The following PTPRG variants were observed in gnomAD, a reference collection of about 807,000 sequenced individuals.
PTPRG encodes the protein protein tyrosine phosphatase receptor type G, also known as receptor-type tyrosine-protein phosphatase gamma.
In PTPRG, 102 loss-of-function variants were observed where a neutral mutation model predicts 165.3. The observed-to-expected ratio is 0.62, with a 90% CI of 0.53 to 0.73. The LOEUF (loss-of-function observed/expected upper bound fraction) is 0.73. PTPRG is among the 30% of genes least tolerant of loss of function. The pLI is 0.00. For synonymous variants in PTPRG, 675 were observed against 669.5 expected (o/e 1.01, Z -0.13); for missense variants, 1,866 against 1,861.4 (o/e 1.00, Z -0.05).
intron 2 of PTPRG, among the ~76,000 whole-genome samples, chr3:61,822,539 G>A (rs1393787864): frequency 3.3e-5 from 5 of 152,162 alleles, no homozygotes; most frequent in Non-Finnish European, 5.9e-5. Flanking sequence ...AATGCTTTCT[G>A]TCCTCAGAGG....
At position 62,203,403 on chromosome 3, in the gene PTPRG, G is replaced by A. The variant is rs750801038; in HGVS notation, c.1608G>A (p.Thr536=). 2.6e-5 allele frequency: 42 copies of A among 1,612,880 alleles called. No homozygotes were observed. The highest frequency in any genetic ancestry group is 3.3e-5 in the South Asian group (3 of 90,960). Residue 536 remains threonine, a synonymous_variant, in exon 12 of 30, where the codon ACG becomes ACA. Transcript: ENST00000474889. The surrounding 1 kb of genome is among the most constrained non-coding windows in gnomAD (Gnocchi z 6.4). ...CTTTCCCCAGCACTGTGTGGCCCAC[G>A]CGCCTCCCGACGGCCGCCTCAGCCA... ...ISSFPSTVWP[T]RLPTAASASK...
chr3:62,205,087 T>C (rs1700196515), intron 12 of PTPRG, among the ~76,000 whole-genome samples: 1 of 152,080 alleles, frequency 6.6e-6, no homozygotes, highest in Non-Finnish European at 1.5e-5. Flanking sequence ...AGATCTCGTA[T>C]GTTAAGATAC....
intron 1 of PTPRG, among the ~76,000 whole-genome samples, chr3:61,725,932 G>T (rs1407526537): frequency 6.6e-6 from 1 of 152,050 alleles, no homozygotes; most frequent in African/African-American, 2.4e-5. Context: ...CTGATCCTTC[G>T]GTCCTATCTG....
At chr3:62,281,436 A>AACT in intron 26 of PTPRG, 127 bp from the exon 27 acceptor site, 1 of 761,006 alleles carries the variant, frequency 1.3e-6, no homozygotes, top group Non-Finnish European at 2.0e-6. Context: ...GGGAACATAT[A>AACT]ACTCTTATGA....
intron 2 of PTPRG, among the ~76,000 whole-genome samples, chr3:61,830,734 C>G (rs1211821414): frequency 6.6e-6 from 1 of 152,004 alleles, no homozygotes; most frequent in Non-Finnish European, 1.5e-5. Context: ...GCCACCACAC[C>G]TGGCTAATTT....
chr3:61,966,971 G>A (rs991554942), intron 2 of PTPRG, among the ~76,000 whole-genome samples: 7 of 152,214 alleles, frequency 4.6e-5, no homozygotes, highest in Non-Finnish European at 1.0e-4. Context: ...TGAGAAGCAG[G>A]ACTTGTCACA....
At chr3:61,926,279 G>C (rs1269634269) in intron 2 of PTPRG, among the ~76,000 whole-genome samples, 1 of 152,056 alleles carries the variant, frequency 6.6e-6, no homozygotes, top group Non-Finnish European at 1.5e-5. Context: ...AGAGGTGATT[G>C]GTTCATGGGG....
chr3:62,133,815 T>C (rs988297637), intron 6 of PTPRG, among the ~76,000 whole-genome samples: 1 of 152,038 alleles, frequency 6.6e-6, no homozygotes, highest in African/African-American at 2.4e-5. Flanking sequence ...TGAGACTCTG[T>C]CTCTACTAAA....
At chr3:61,648,701 G>C (rs910639361) in intron 1 of PTPRG, among the ~76,000 whole-genome samples, 1 of 152,232 alleles carries the variant, frequency 6.6e-6, no homozygotes, top group South Asian at 2.1e-4. Flanking sequence ...CAGAGAGAGA[G>C]GGCAGACATT....
chr3:62,112,212 C>G (rs921854321), intron 5 of PTPRG, among the ~76,000 whole-genome samples: 2 of 152,080 alleles, frequency 1.3e-5, no homozygotes, highest in African/African-American at 2.4e-5. Flanking sequence ...TCAAGTGATT[C>G]TCCTGCCTCA....
At chr3:61,931,667 G>A (rs966357439) in intron 2 of PTPRG, among the ~76,000 whole-genome samples, 5 of 152,110 alleles carry the variant, frequency 3.3e-5, no homozygotes, top group African/African-American at 9.7e-5. Context: ...ATGATCAAAC[G>A]CACAACTGAG....
At chr3:61,562,450 C>A in intron 1 of PTPRG, 78 bp downstream of exon 1, 2 of 1,409,104 alleles carry the variant, frequency 1.4e-6, no homozygotes, top group Non-Finnish European at 2.0e-6. Context: ...GGGCGCGGAG[C>A]TCCGGCGCCC....
chr3:61,585,944 A>G (rs1700424338), intron 1 of PTPRG, among the ~76,000 whole-genome samples: 1 of 152,182 alleles, frequency 6.6e-6, no homozygotes, highest in Non-Finnish European at 1.5e-5. Context: ...GCTGCTGCCT[A>G]CCTTGGGGAA....
chr3:61,800,628 C>T (rs970069434), intron 2 of PTPRG, among the ~76,000 whole-genome samples: 5 of 149,316 alleles, frequency 3.3e-5, no homozygotes, highest in Non-Finnish European at 5.9e-5. Flanking sequence ...AAGGGTGTTC[C>T]GTGGTGGGGA....
At chr3:62,030,896 G>A (rs1310584939) in intron 4 of PTPRG, among the ~76,000 whole-genome samples, 1 of 152,180 alleles carries the variant, frequency 6.6e-6, no homozygotes, top group Non-Finnish European at 1.5e-5. Context: ...TAAATCTAAA[G>A]CAGATGCTTT....
rs550911490 is a variant in PTPRG at position 61,563,221 on chromosome 3, C to T, written c.85+849C>T. Among the ~76,000 whole-genome samples, 570 of 152,196 alleles carry T rather than the reference C, an allele frequency of 3.7e-3. 1 individual carries two copies. The highest frequency in any genetic ancestry group is 5.7e-3 in the Non-Finnish European group (391 of 68,006). On this transcript the variant is annotated intron_variant, in intron 1 of 29. Coordinates refer to ENST00000474889, the MANE Select transcript of PTPRG (RefSeq NM_002841.4). ...GCTGATTTTTTTCCTGTCTCGCGCGCCCTGCCTACCTTCATCTTTGCCCTT... is the reference window on the plus strand; with the variant it reads ...GCTGATTTTTTTCCTGTCTCGCGCGTCCTGCCTACCTTCATCTTTGCCCTT...
chr3:62,099,823 G>T (rs1434577058), intron 5 of PTPRG, among the ~76,000 whole-genome samples: 2 of 123,152 alleles, frequency 1.6e-5, no homozygotes, highest in African/African-American at 6.4e-5. Flanking sequence ...TTTTGAGGCA[G>T]AGTCTCACTC....
At chr3:62,161,040 C>T (rs186844495) in intron 7 of PTPRG, among the ~76,000 whole-genome samples, 11 of 152,088 alleles carry the variant, frequency 7.2e-5, no homozygotes, top group East Asian at 1.9e-4. Flanking sequence ...CTTTGTTCTT[C>T]GGCCAAATTA....
intron 5 of PTPRG, among the ~76,000 whole-genome samples, chr3:62,112,677 G>A (rs1177947454): frequency 6.6e-6 from 1 of 152,206 alleles, no homozygotes; most frequent in Non-Finnish European, 1.5e-5. Flanking sequence ...GGCAGGGACT[G>A]CAGTCATTTT....
Sources: allele counts gnomAD v4.1 joint callset (sites outside exome capture counted in the v4.1 genomes callset), GRCh38; gene constraint gnomAD v4.1.1; non-coding constraint Gnocchi (gnomAD v3.1); transcripts MANE v1.5; gene names NCBI Gene and HGNC (gene_info 2026-07-23, HGNC 2026-07-21).